Variants in GAREM1 observed in about 807,000 individuals in gnomAD.
The protein encoded by GAREM1 is GRB2 associated regulator of MAPK1 subtype 1.
GAREM1 carries 26 observed loss-of-function variants against 71.3 expected under a neutral mutation model. The ratio of observed to expected loss-of-function variants is 0.36; its 90% CI spans 0.27 to 0.51. GAREM1 has a LOEUF of 0.51. Among genes scored for constraint, GAREM1 ranks in the 20% least tolerant of loss-of-function variants. The probability of loss-of-function intolerance (pLI) is 0.95; values close to 1 mark genes in which losing one functional copy is unlikely to be tolerated. For missense variants in GAREM1, 1,026 were observed against 1,103.1 expected, an observed-to-expected ratio of 0.93 and a Z score of 0.99; for synonymous variants, 440 against 433.2, an observed-to-expected ratio of 1.02 and a Z score of -0.20.
intron 2 of GAREM1, among the ~76,000 whole-genome samples, chr18:32,370,953 G>T (rs185929297): frequency 6.6e-6 from 1 of 152,282 alleles, no homozygotes; most frequent in African/African-American, 2.4e-5. Context: ...ACAGGCACTA[G>T]AGATACAAAA....
intron 3 of GAREM1, among the ~76,000 whole-genome samples, chr18:32,304,879 G>C (rs1005353826): frequency 6.6e-6 from 1 of 152,092 alleles, no homozygotes; most frequent in Non-Finnish European, 1.5e-5. Context: ...TATATGGCTT[G>C]AAAATTGTTA....
intron 4 of GAREM1, among the ~76,000 whole-genome samples, chr18:32,281,095 T>C (rs769834544): frequency 3.9e-5 from 6 of 152,180 alleles, no homozygotes; most frequent in Non-Finnish European, 8.8e-5. Flanking sequence ...AGTACAAAAA[T>C]GCAGTGAAGA....
rs554589350 is a variant in GAREM1, at chr18:32,306,357, T to C, written c.393+3836A>G. On this transcript the variant is annotated intron_variant, in intron 3 of 5. Coordinates refer to ENST00000269209, the MANE Select transcript of GAREM1 (RefSeq NM_001242409.2). ...CCTCAGAGCTCTTCTCCTTTTAATCTTGTCTCTAGGTTAATGCCTCTCAAC... is the reference window on the plus strand; with the variant it reads ...CCTCAGAGCTCTTCTCCTTTTAATCCTGTCTCTAGGTTAATGCCTCTCAAC... Among the ~76,000 whole-genome samples the C allele has an allele frequency of 2.6e-5, 4 of 152,294 alleles. No individual in the cohort carries two copies. The East Asian group carries it at 5.8e-4, about 22-fold the overall frequency.
chr18:32,335,296 C>T (rs542942423), intron 2 of GAREM1, among the ~76,000 whole-genome samples: 8 of 152,202 alleles, frequency 5.3e-5, no homozygotes, highest in Non-Finnish European at 1.2e-4. Flanking sequence ...CAATGTAATT[C>T]ACCCTCCTCT....
chr18:32,298,693 A>C (rs1461584365), intron 3 of GAREM1, among the ~76,000 whole-genome samples: 1 of 152,192 alleles, frequency 6.6e-6, no homozygotes, highest in Non-Finnish European at 1.5e-5. Flanking sequence ...GGCAATAGGA[A>C]ATCTGTTCTC....
chr18:32,432,814 G>C (rs1318619988), intron 1 of GAREM1, among the ~76,000 whole-genome samples: 1 of 152,002 alleles, frequency 6.6e-6, no homozygotes, highest in Admixed American at 6.6e-5. Flanking sequence ...TCCTCAAAAA[G>C]AGAAATCCCA....
At chr18:32,314,390 T>C (rs1042460433) in intron 2 of GAREM1, among the ~76,000 whole-genome samples, 5 of 152,184 alleles carry the variant, frequency 3.3e-5, no homozygotes, top group Admixed American at 2.0e-4. Context: ...CTTTCAAGTT[T>C]TGTGGTGCTG....
At chr18:32,321,637 A>G (rs2047430078) in intron 2 of GAREM1, among the ~76,000 whole-genome samples, 1 of 152,228 alleles carries the variant, frequency 6.6e-6, no homozygotes, top group Non-Finnish European at 1.5e-5. Context: ...GAATCAAGCG[A>G]CCATAAAAGT....
rs771118511 is a variant in GAREM1, at chr18:32,288,068, T to C, written c.529A>G (p.Ile177Val). 1.9e-6 allele frequency: 3 copies of C among 1,614,066 alleles called. No individual in the cohort carries two copies. The highest frequency in any genetic ancestry group is 1.3e-5 in the African/African-American group (1 of 74,920). ...TTGAGCTTCCCAATCTTTTTGAAGA[T>C]TGTGTTGAGTCGTGACTTTTCCTTG... ...TFKEKSRLNT[I>V]FKKIGKLNSI... is the part of the protein sequence containing the mutation. The change falls in exon 4 of 6, where the codon ATC becomes GTC. Residue 177 changes from isoleucine to valine, a missense_variant. This residue lies in a region of GAREM1 where 218 missense variants were observed against 296.8 expected (regional missense o/e 0.73). Coordinates refer to ENST00000269209, the MANE Select transcript of GAREM1 (RefSeq NM_001242409.2).
intron 2 of GAREM1, among the ~76,000 whole-genome samples, chr18:32,330,191 T>C (rs2047518103): frequency 6.6e-6 from 1 of 152,224 alleles, no homozygotes; most frequent in South Asian, 2.1e-4. Context: ...CGAGAACAAA[T>C]CATGTCTTTT....
chr18:32,310,716 T>C (rs1362257664), intron 2 of GAREM1, among the ~76,000 whole-genome samples: 1 of 152,186 alleles, frequency 6.6e-6, no homozygotes, highest in Non-Finnish European at 1.5e-5. Context: ...ATTTACATTC[T>C]AGAACCGAGT....
At chr18:32,446,249 T>TGTGTGTGTGTGTGCGC (rs141510183) in intron 1 of GAREM1, among the ~76,000 whole-genome samples, 3 of 151,860 alleles carry the variant, frequency 2.0e-5, no homozygotes, top group Non-Finnish European at 4.4e-5. Context: ...TGTGTGTGTG[T>TGTGTGTGTGTGTGCGC]GTGTATAACA....
At chr18:32,337,985 G>A (rs1382279291) in intron 2 of GAREM1, among the ~76,000 whole-genome samples, 5 of 152,126 alleles carry the variant, frequency 3.3e-5, no homozygotes, top group East Asian at 3.9e-4. Flanking sequence ...ACCCAAACCC[G>A]ACAGACTCAA....
chr18:32,413,921 A>T (rs780969140), intron 1 of GAREM1, among the ~76,000 whole-genome samples: 2 of 152,166 alleles, frequency 1.3e-5, no homozygotes, highest in Non-Finnish European at 2.9e-5. Context: ...GGCAAAATGT[A>T]ACAAAAGAAA....
intron 2 of GAREM1, chr18:32,331,664 C>T (rs1442233907): frequency 2.6e-5 from 4 of 152,102 alleles, no homozygotes; most frequent in African/African-American, 9.7e-5. Context: ...GGATCAAGAA[C>T]GCATCTATAA....
intron 3 of GAREM1, among the ~76,000 whole-genome samples, chr18:32,308,266 A>T (rs974519625): frequency 7.5e-5 from 10 of 134,182 alleles, no homozygotes; most frequent in South Asian, 2.4e-4. Flanking sequence ...ATTCTATATT[A>T]AAAAAAGAAC....
rs78598924 is a variant in GAREM1, at chr18:32,299,687, T to C, written c.393+10506A>G. Among the ~76,000 whole-genome samples the C allele has an allele frequency of 7.8e-3, 1,185 of 152,192 alleles. 20 individuals carry two copies. The highest frequency in any genetic ancestry group is 0.028 in the African/African-American group (1,146 of 41,510). On this transcript the variant is annotated intron_variant, in intron 3 of 5. Transcript: ENST00000269209. ...AGCTAACCAAAATGATGGGATGTTG[T>C]TGATGTTGGAGCTTATGTTGAAAGC...
At chr18:32,310,094 T>A (rs1389843382) in intron 3 of GAREM1, 99 bp downstream of exon 3, 3 of 1,381,374 alleles carry the variant, frequency 2.2e-6, no homozygotes, top group Non-Finnish European at 3.0e-6. Context: ...GATAAAACCC[T>A]CCTAGGAGAC....
intron 1 of GAREM1, among the ~76,000 whole-genome samples, chr18:32,454,872 CA>C (rs2048872951): frequency 6.6e-6 from 1 of 152,120 alleles, no homozygotes; most frequent in East Asian, 1.9e-4. Context: ...ATGAGTCATT[CA>C]GACAAAATTT....
Sources: gnomAD v4.1 joint callset for allele counts (sites outside exome capture counted in the v4.1 genomes callset) on GRCh38, gnomAD v4.1.1 for gene constraint, gnomAD v4.1.1 regional missense constraint, MANE v1.5 for transcripts, NCBI Gene and HGNC (gene_info 2026-07-23, HGNC 2026-07-21) for gene names.